FERMT1: variants seen among roughly 807,000 people sequenced by gnomAD.
The protein encoded by FERMT1 is FERM domain containing kindlin 1.
A neutral mutation model predicts 85.3 loss-of-function variants in FERMT1; 60 were observed. The ratio of observed to expected loss-of-function variants is 0.70; its 90% CI spans 0.57 to 0.87. The LOEUF is 0.87. Among genes scored for constraint, FERMT1 ranks in the 40% least tolerant of loss-of-function variants. The probability of loss-of-function intolerance (pLI) is 0.00; values close to 1 mark genes in which losing one functional copy is unlikely to be tolerated. For synonymous variants in FERMT1, 275 were observed against 301.1 expected, an observed-to-expected ratio of 0.91 and a Z score of 0.90; for missense variants, 701 against 818.9, an observed-to-expected ratio of 0.86 and a Z score of 1.76.
At chr20:6,094,640 A>G (rs1320242585) in intron 9 of FERMT1, among the ~76,000 whole-genome samples, 8 of 152,200 alleles carry the variant, frequency 5.3e-5, no homozygotes, top group Admixed American at 5.2e-4. Flanking sequence ...ACCAGGTACC[A>G]CGCTCAGTGC....
rs2123078707 is a variant in FERMT1, at chr20:6,074,898, A to G, written c.*2275T>C. 1 of 152,418 alleles carries G rather than the reference A, an allele frequency of 6.6e-6. No individual in the cohort carries two copies. The highest frequency in any genetic ancestry group is 2.4e-5 in the African/African-American group (1 of 41,554). The allele number at this position is 152,418 out of a possible 1,614,324, so 9.4% of individuals were successfully genotyped here. ...AGTCATATAAAAGAATAAAAAATGCAGATTTCTGAATCAACTGTAGATAAG... is the reference window on the plus strand; with the variant it reads ...AGTCATATAAAAGAATAAAAAATGCGGATTTCTGAATCAACTGTAGATAAG... On this transcript the variant is annotated 3_prime_UTR_variant, in exon 15 of 15. Transcript: ENST00000217289.
chr20:6,118,961 C>G (rs1282048463), intron 2 of FERMT1, among the ~76,000 whole-genome samples: 3 of 146,422 alleles, frequency 2.0e-5, no homozygotes, highest in Non-Finnish European at 4.5e-5. Context: ...TTTTTTTTTT[C>G]CCCCGACACC....
chr20:6,116,545 T>C (rs1206618835), intron 2 of FERMT1, among the ~76,000 whole-genome samples: 1 of 151,970 alleles, frequency 6.6e-6, no homozygotes, highest in East Asian at 1.9e-4. Context: ...CCGGCCTACA[T>C]GGCAAAACCC....
intron 3 of FERMT1, among the ~76,000 whole-genome samples, chr20:6,112,984 C>T (rs113101224): frequency 1.3e-5 from 2 of 152,228 alleles, no homozygotes; most frequent in Non-Finnish European, 2.9e-5. Context: ...TTACCACCAA[C>T]TTTACCTCCC....
chr20:6,080,069 C>T (rs930778282), intron 13 of FERMT1, among the ~76,000 whole-genome samples: 20 of 151,984 alleles, frequency 1.3e-4, no homozygotes, highest in African/African-American at 4.6e-4. Context: ...GACATTTGAT[C>T]AAAAAATGGA....
Position 6,110,494 on chromosome 20 carries a change from T to C in FERMT1, c.550A>G (p.Ser184Gly), listed in dbSNP as rs1982917996. Reference sequence around the variant, plus strand: ...TCATATATAGGGGTCATGGTTTTACTGTATAAACCAGGACTTACTGCAAGG... The same window carrying C: ...TCATATATAGGGGTCATGGTTTTACCGTATAAACCAGGACTTACTGCAAGG... ...SGSSVSPGLYSKTMTPIYDPI... is the reference protein window; with the variant it reads ...SGSSVSPGLYGKTMTPIYDPI... The change falls in exon 5 of 15, where the codon AGT (serine) becomes GGT (glycine). Residue 184 changes from serine to glycine, a missense_variant. Transcript: ENST00000217289. The C allele has an allele frequency of 6.2e-7, 1 of 1,613,906 alleles. No individual in the cohort carries two copies. The highest frequency in any genetic ancestry group is 8.5e-7 in the Non-Finnish European group (1 of 1,179,748).
chr20:6,084,225 T>G (rs1982098941), intron 12 of FERMT1, 61 bp from the exon 13 acceptor site: 1 of 1,556,622 alleles, frequency 6.4e-7, no homozygotes, highest in African/African-American at 1.4e-5. Context: ...GATCACCCTG[T>G]TAGCTCCAGA....
chr20:6,078,654 T>TTG (rs1981904402), intron 14 of FERMT1, among the ~76,000 whole-genome samples: 3 of 150,866 alleles, frequency 2.0e-5, no homozygotes, highest in Admixed American at 1.3e-4. Flanking sequence ...TTGTTTTTTT[T>TTG]TTTTTTAATT....
In FERMT1 at chr20:6,113,365, C is replaced by T. The variant is rs187221785; in HGVS notation, c.386-742G>A. On this transcript the variant is annotated intron_variant, in intron 3 of 14. Transcript: ENST00000217289. ...GCATGAAAATGAACTAATAGACTTC[C>T]CTTCCTTGCTCCCTCTCCCTTTCCT... is the stretch of plus-strand genomic sequence containing the variant. 1.7e-3 allele frequency among the ~76,000 whole-genome samples: 252 copies of T among 152,306 alleles called. 1 individual carries two copies. Among genetic ancestry groups the T allele is most frequent in the Admixed American group, 3.7e-3 (57 of 15,296 alleles).
intron 6 of FERMT1, among the ~76,000 whole-genome samples, chr20:6,099,887 T>A (rs1018665152): frequency 6.7e-6 from 1 of 149,968 alleles, no homozygotes; most frequent in Non-Finnish European, 1.5e-5. Context: ...TTGTTCCAGC[T>A]ACTCAGGAGG....
chr20:6,121,485 A>T (rs1983276399), intron 1 of FERMT1, among the ~76,000 whole-genome samples: 1 of 152,234 alleles, frequency 6.6e-6, no homozygotes, highest in Non-Finnish European at 1.5e-5. Flanking sequence ...ATGCACAGAG[A>T]TCCACACAGA....
chr20:6,108,253 G>A (rs993222553), intron 5 of FERMT1, among the ~76,000 whole-genome samples: 2 of 151,772 alleles, frequency 1.3e-5, no homozygotes, highest in African/African-American at 2.4e-5. Context: ...CTGAAAAAGT[G>A]TAAAAAACAA....
At chr20:6,111,195 T>C (rs947302997) in intron 4 of FERMT1, among the ~76,000 whole-genome samples, 1 of 152,260 alleles carries the variant, frequency 6.6e-6, no homozygotes, top group Non-Finnish European at 1.5e-5. Flanking sequence ...ATAGAATGCA[T>C]GTACCCAATA....
intron 1 of FERMT1, chr20:6,120,560 CAGAA>C (rs942840552): frequency 1.2e-4 from 18 of 152,310 alleles, no homozygotes; most frequent in African/African-American, 4.3e-4. Flanking sequence ...TACTTTTAAA[CAGAA>C]AGAAATAATG....
intron 6 of FERMT1, among the ~76,000 whole-genome samples, chr20:6,103,914 A>G (rs777107329): frequency 3.8e-4 from 57 of 151,716 alleles, no homozygotes; most frequent in Non-Finnish European, 7.1e-4. Context: ...CTCATTGCCC[A>G]GGCTGTAGTG....
In FERMT1 at chr20:6,089,075, A is replaced by G. The variant is rs1175057823; in HGVS notation, c.1154T>C (p.Leu385Pro). 8 of 1,612,472 alleles carry G rather than the reference A, an allele frequency of 5.0e-6. No individual in the cohort carries two copies. The highest frequency in any genetic ancestry group is 1.3e-5 in the African/African-American group (1 of 75,034). ...CCAATATTGTTTGAAAGCTTTTGGT[A>G]GTAACTTCTTGGGCCTGCAAATTCA... ...NLKLFRPKKL[L>P]PKAFKQYWFI... Residue 385 changes from leucine (L) to proline (P), a missense_variant, in exon 10 of 15, where the codon CTA becomes CCA. Leu to Pro is a moderately conservative substitution (Grantham distance 98, BLOSUM62 -3). Coordinates refer to ENST00000217289, the MANE Select transcript of FERMT1 (RefSeq NM_017671.5).
chr20:6,087,031 GC>G (rs940430006), intron 11 of FERMT1, among the ~76,000 whole-genome samples: 2 of 152,098 alleles, frequency 1.3e-5, no homozygotes, highest in Non-Finnish European at 2.9e-5. Context: ...CATGTCTTCT[GC>G]TTTGGCCAAT....
At chr20:6,117,969 G>A (rs997985144) in intron 2 of FERMT1, among the ~76,000 whole-genome samples, 3 of 152,226 alleles carry the variant, frequency 2.0e-5, no homozygotes, top group Non-Finnish European at 4.4e-5. Flanking sequence ...GCCAGAAAAT[G>A]CTCCTCTTAA....
At chr20:6,083,296 C>T (rs1328927019) in intron 13 of FERMT1, among the ~76,000 whole-genome samples, 2 of 152,046 alleles carry the variant, frequency 1.3e-5, no homozygotes, top group Non-Finnish European at 1.5e-5. Context: ...CCAAGTGTGC[C>T]CTGGACTGGG....
Sources: allele counts gnomAD v4.1 joint callset (sites outside exome capture counted in the v4.1 genomes callset), GRCh38; gene constraint gnomAD v4.1.1; transcripts MANE v1.5; gene names NCBI Gene and HGNC (gene_info 2026-07-23, HGNC 2026-07-21).